KIAA1549L: variants seen among roughly 807,000 people sequenced by gnomAD.
KIAA1549L encodes the protein KIAA1549 like.
Under a neutral mutation model 160.7 loss-of-function variants are expected in KIAA1549L, and 88 were observed. The observed-to-expected ratio is 0.55, with a 90% CI of 0.46 to 0.65. The LOEUF (loss-of-function observed/expected upper bound fraction) is 0.65. Ranked by LOEUF, KIAA1549L falls within the 30% of genes least tolerant of loss-of-function variation. KIAA1549L has a pLI of 0.00. For missense variants in KIAA1549L, 2,258 were observed against 2,437.5 expected, an observed-to-expected ratio of 0.93 and a Z score of 1.55; for synonymous variants, 950 against 976.7, an observed-to-expected ratio of 0.97 and a Z score of 0.51.
At chr11:33,639,574 C>G (rs962760354) in intron 16 of KIAA1549L, among the ~76,000 whole-genome samples, 2 of 152,158 alleles carry the variant, frequency 1.3e-5, no homozygotes, top group African/African-American at 4.8e-5. Flanking sequence ...GAGTCTCGCT[C>G]TGTCACCCAT....
At chr11:33,504,337 A>G (rs560702533) in intron 1 of KIAA1549L, among the ~76,000 whole-genome samples, 1 of 152,076 alleles carries the variant, frequency 6.6e-6, no homozygotes, top group African/African-American at 2.4e-5. Flanking sequence ...ATCATCACTT[A>G]TTGTTTGCCT....
intron 1 of KIAA1549L, among the ~76,000 whole-genome samples, chr11:33,528,729 A>G (rs1011652155): frequency 6.6e-6 from 1 of 152,230 alleles, no homozygotes; most frequent in African/African-American, 2.4e-5. Context: ...TAACTTGGGA[A>G]TGAAAAACCA....
At chr11:33,583,204 T>C in intron 10 of KIAA1549L, 134 bp from the exon 11 acceptor site, 1 of 801,958 alleles carries the variant, frequency 1.2e-6, no homozygotes, top group Admixed American at 2.9e-5. Flanking sequence ...GTGGAGGCTT[T>C]CTAACCCCAA....
chr11:33,410,764 G>T (rs2134086619), intron 1 of KIAA1549L, among the ~76,000 whole-genome samples: 1 of 152,322 alleles, frequency 6.6e-6, no homozygotes, highest in East Asian at 1.9e-4. Flanking sequence ...CTATGGAGAA[G>T]GGAGAATGGA....
chr11:33,443,200 A>G (rs1223162550), intron 1 of KIAA1549L, among the ~76,000 whole-genome samples: 1 of 152,018 alleles, frequency 6.6e-6, no homozygotes, highest in Non-Finnish European at 1.5e-5. Flanking sequence ...GGGTCTTGTT[A>G]TGTTGCCCAG....
chr11:33,447,811 T>C lies in KIAA1549L; in HGVS notation c.238+70922T>C, dbSNP rs561331673. ...TTACCCTTAGTACCTAGACTAATGC[T>C]TGGCACATGTTAGGAGCTCAATAAA... On this transcript the variant is annotated intron_variant, in intron 1 of 20. Transcript: ENST00000658780. Among the ~76,000 whole-genome samples, 3 of 152,324 alleles carry C rather than the reference T, an allele frequency of 2.0e-5. No individual in the cohort carries two copies. The East Asian group carries it at 5.8e-4, about 29-fold the overall frequency.
At chr11:33,596,252 C>T (rs763555452) in intron 12 of KIAA1549L, among the ~76,000 whole-genome samples, 1 of 152,180 alleles carries the variant, frequency 6.6e-6, no homozygotes, top group Non-Finnish European at 1.5e-5. Context: ...GGGCACAAAT[C>T]TCACTCTATT....
At position 33,466,420 on chromosome 11, in the gene KIAA1549L, A is replaced by G. The variant is rs1852058778; in HGVS notation, c.239-75382A>G. ...ATGCAAATCAAAACCACAATGAGAT[A>G]CCGTCTCACGCCAGTTAGAATGGCG... On this transcript the variant is annotated intron_variant, in intron 1 of 20. Transcript: ENST00000658780. Among the ~76,000 whole-genome samples, 3 of 152,370 alleles carry G rather than the reference A, an allele frequency of 2.0e-5. No individual in the cohort carries two copies. The South Asian group carries it at 6.2e-4, about 32-fold the overall frequency.
intron 1 of KIAA1549L, among the ~76,000 whole-genome samples, chr11:33,494,071 G>C (rs1294127175): frequency 6.6e-6 from 1 of 152,186 alleles, no homozygotes; most frequent in Non-Finnish European, 1.5e-5. Flanking sequence ...AGAACCTCCA[G>C]AACTGCCTTG....
chr11:33,383,217 C>T (rs1194925184), intron 1 of KIAA1549L, among the ~76,000 whole-genome samples: 1 of 151,660 alleles, frequency 6.6e-6, no homozygotes, highest in Non-Finnish European at 1.5e-5. Context: ...TGAATGTGCA[C>T]ACTTCCCTTT....
chr11:33,557,210 A>T (rs1854679716), intron 6 of KIAA1549L, among the ~76,000 whole-genome samples: 1 of 152,132 alleles, frequency 6.6e-6, no homozygotes, highest in Non-Finnish European at 1.5e-5. Context: ...GCTGGCCTTG[A>T]ACTCCTGGGC....
chr11:33,474,956 A>G (rs565028532), intron 1 of KIAA1549L, among the ~76,000 whole-genome samples: 1 of 152,334 alleles, frequency 6.6e-6, no homozygotes, highest in Non-Finnish European at 1.5e-5. Context: ...CTCACACGGG[A>G]ATATCCAAGG....
intron 17 of KIAA1549L, among the ~76,000 whole-genome samples, chr11:33,647,369 CTG>C (rs1454672118): frequency 1.0e-5 from 1 of 97,852 alleles, no homozygotes; most frequent in Non-Finnish European, 1.8e-5. Context: ...CAGTAAGACT[CTG>C]TCTCAAAAAA....
At chr11:33,495,461 AT>A (rs1852795169) in intron 1 of KIAA1549L, among the ~76,000 whole-genome samples, 1 of 151,898 alleles carries the variant, frequency 6.6e-6, no homozygotes, top group Admixed American at 6.6e-5. Context: ...TGAACTCATC[AT>A]TTTTTATGGC....
intron 1 of KIAA1549L, among the ~76,000 whole-genome samples, chr11:33,452,144 A>G (rs1310882394): frequency 1.3e-5 from 2 of 152,140 alleles, no homozygotes; most frequent in Admixed American, 6.5e-5. Flanking sequence ...AACCATCTTC[A>G]TTTGCCCAGC....
chr11:33,452,196 T>C (rs1166977258), intron 1 of KIAA1549L, among the ~76,000 whole-genome samples: 1 of 152,204 alleles, frequency 6.6e-6, no homozygotes, highest in Non-Finnish European at 1.5e-5. Context: ...GCCCTTCTCA[T>C]ATGCAGGAGG....
At chr11:33,649,960 G>C (rs1851839116) in intron 17 of KIAA1549L, among the ~76,000 whole-genome samples, 1 of 152,046 alleles carries the variant, frequency 6.6e-6, no homozygotes. Flanking sequence ...CTCCCATCTG[G>C]CCCAGGGCGT....
chr11:33,645,471 G>A (rs1248579868), intron 16 of KIAA1549L, among the ~76,000 whole-genome samples: 1 of 152,174 alleles, frequency 6.6e-6, no homozygotes, highest in African/African-American at 2.4e-5. Flanking sequence ...ATGGGCAACT[G>A]AAGTGCACAC....
intron 13 of KIAA1549L, among the ~76,000 whole-genome samples, chr11:33,605,648 A>G (rs769241276): frequency 4.6e-5 from 7 of 152,238 alleles, no homozygotes; most frequent in African/African-American, 7.2e-5. Context: ...GTGTTTCTCA[A>G]TAATTTAAAT....
Sources: allele counts gnomAD v4.1 joint callset (sites outside exome capture counted in the v4.1 genomes callset), GRCh38; gene constraint gnomAD v4.1.1; transcripts MANE v1.5; gene names NCBI Gene and HGNC (gene_info 2026-07-23, HGNC 2026-07-21).